GALNTL6: variants seen among roughly 807,000 people sequenced by gnomAD.
The protein encoded by GALNTL6 is polypeptide N-acetylgalactosaminyltransferase like 6.
GALNTL6 carries 46 observed loss-of-function variants against 73.7 expected under a neutral mutation model. That is an observed-to-expected ratio of 0.62 (90% confidence interval 0.49 to 0.80). The LOEUF (loss-of-function observed/expected upper bound fraction) is 0.80. Ranked by LOEUF, GALNTL6 falls within the 30% of genes least tolerant of loss-of-function variation. The pLI is 0.00. For synonymous variants in GALNTL6, 259 were observed against 263.7 expected, an observed-to-expected ratio of 0.98 and a Z score of 0.17; for missense variants, 604 against 755.0, an observed-to-expected ratio of 0.80 and a Z score of 2.34.
intron 5 of GALNTL6, among the ~76,000 whole-genome samples, chr4:172,807,662 C>T (rs144010120): frequency 6.6e-6 from 1 of 152,114 alleles, no homozygotes; most frequent in Non-Finnish European, 1.5e-5. Flanking sequence ...TTGTGGAGCT[C>T]CCTCCCAGGC....
intron 2 of GALNTL6, among the ~76,000 whole-genome samples, chr4:171,960,370 A>T (rs1040030059): frequency 6.6e-5 from 10 of 151,972 alleles, no homozygotes; most frequent in Non-Finnish European, 1.5e-4. Flanking sequence ...TCTGCCTCCC[A>T]GGTTCAAGTG....
chr4:172,246,853 TAC>T (rs1017254032), intron 3 of GALNTL6, among the ~76,000 whole-genome samples: 1 of 150,364 alleles, frequency 6.7e-6, no homozygotes, highest in Non-Finnish European at 1.5e-5. Context: ...ATCATTTACA[TAC>T]ACACACAGTC....
intron 10 of GALNTL6, among the ~76,000 whole-genome samples, chr4:172,993,903 C>CA (rs1751656311): frequency 6.6e-6 from 1 of 152,158 alleles, no homozygotes; most frequent in Non-Finnish European, 1.5e-5. Flanking sequence ...GCCTGGGCAA[C>CA]AGCAGAGAAA....
chr4:172,481,519 C>T (rs560947844), intron 5 of GALNTL6, among the ~76,000 whole-genome samples: 1 of 149,732 alleles, frequency 6.7e-6, no homozygotes, highest in African/African-American at 2.6e-5. Context: ...GCTGATTGGT[C>T]CATTTTACAG....
At chr4:171,940,715 T>C (rs974002621) in intron 2 of GALNTL6, among the ~76,000 whole-genome samples, 1 of 151,684 alleles carries the variant, frequency 6.6e-6, no homozygotes, top group Non-Finnish European at 1.5e-5. Flanking sequence ...TCCAAGCTAC[T>C]TGGGAGGCAG....
At chr4:171,959,434 C>T (rs1010939370) in intron 2 of GALNTL6, among the ~76,000 whole-genome samples, 1 of 152,142 alleles carries the variant, frequency 6.6e-6, no homozygotes, top group Non-Finnish European at 1.5e-5. Flanking sequence ...TAGAATAATT[C>T]TAATATTTGT....
At chr4:172,720,260 T>C (rs1243293892) in intron 5 of GALNTL6, among the ~76,000 whole-genome samples, 1 of 151,782 alleles carries the variant, frequency 6.6e-6, no homozygotes, top group Non-Finnish European at 1.5e-5. Context: ...GTTTAAAGGG[T>C]GAGTAAAGCA....
At chr4:171,942,418 A>G (rs992532843) in intron 2 of GALNTL6, among the ~76,000 whole-genome samples, 5 of 152,094 alleles carry the variant, frequency 3.3e-5, no homozygotes, top group Admixed American at 1.3e-4. Flanking sequence ...TTTTACTTTC[A>G]TCTTAAACAA....
intron 2 of GALNTL6, among the ~76,000 whole-genome samples, chr4:172,160,781 A>G (rs952031124): frequency 6.6e-6 from 1 of 151,788 alleles, no homozygotes; most frequent in Admixed American, 6.6e-5. Flanking sequence ...ATAAATAGGT[A>G]TGCATATATA....
chr4:172,745,575 T>C (rs1036978730), intron 5 of GALNTL6, among the ~76,000 whole-genome samples: 2 of 152,026 alleles, frequency 1.3e-5, no homozygotes, highest in Non-Finnish European at 2.9e-5. Flanking sequence ...AGAAGCTTGC[T>C]AAGGTCAATA....
At chr4:172,740,448 T>A (rs1736730598) in intron 5 of GALNTL6, among the ~76,000 whole-genome samples, 1 of 152,172 alleles carries the variant, frequency 6.6e-6, no homozygotes. Flanking sequence ...GACTCTGGAA[T>A]AATGAATTTA....
intron 2 of GALNTL6, among the ~76,000 whole-genome samples, chr4:172,178,297 A>G (rs528412222): frequency 6.6e-6 from 1 of 152,308 alleles, no homozygotes; most frequent in South Asian, 2.1e-4. Flanking sequence ...TTAAAAAATT[A>G]TTATTATACT....
intron 5 of GALNTL6, among the ~76,000 whole-genome samples, chr4:172,689,949 A>C (rs924454933): frequency 6.6e-6 from 1 of 152,234 alleles, no homozygotes; most frequent in African/African-American, 2.4e-5. Context: ...CAAATATTTT[A>C]AGGTATCCAA....
intron 5 of GALNTL6, among the ~76,000 whole-genome samples, chr4:172,672,258 T>C (rs1265300124): frequency 6.6e-6 from 1 of 152,202 alleles, no homozygotes; most frequent in Non-Finnish European, 1.5e-5. Flanking sequence ...TCTCCTTCGA[T>C]TGAGATAATC....
chr4:171,820,138 A>G (rs1408138005), intron 2 of GALNTL6, among the ~76,000 whole-genome samples: 1 of 152,166 alleles, frequency 6.6e-6, no homozygotes, highest in East Asian at 1.9e-4. Flanking sequence ...CACATAAAAT[A>G]TATCTATATA....
chr4:172,976,815 C>T (rs1261345516), intron 10 of GALNTL6, among the ~76,000 whole-genome samples: 1 of 152,172 alleles, frequency 6.6e-6, no homozygotes, highest in Non-Finnish European at 1.5e-5. Flanking sequence ...CATTCTTTTA[C>T]AGCCTTCACG....
chr4:172,433,108 G>T (rs1731517017), intron 5 of GALNTL6, among the ~76,000 whole-genome samples: 1 of 152,118 alleles, frequency 6.6e-6, no homozygotes, highest in South Asian at 2.1e-4. Flanking sequence ...TGATGTGTGT[G>T]TTTAAGAATA....
intron 5 of GALNTL6, among the ~76,000 whole-genome samples, chr4:172,762,783 CAAAAAA>C (rs140987178): frequency 1.4e-5 from 2 of 139,784 alleles, no homozygotes; most frequent in Non-Finnish European, 1.6e-5. Flanking sequence ...CAGATTCACT[CAAAAAA>C]AAAAAAAAAA....
chr4:172,741,342 G>A (rs1437856), intron 5 of GALNTL6, among the ~76,000 whole-genome samples: 54,448 of 151,874 alleles, frequency 0.36, 10,798 homozygotes, highest in African/African-American at 0.52. Context: ...TCATTGCCGG[G>A]ACAATCTCAA....
Sources: allele counts gnomAD v4.1 joint callset (sites outside exome capture counted in the v4.1 genomes callset), GRCh38; gene constraint gnomAD v4.1.1; transcripts MANE v1.5; gene names NCBI Gene and HGNC (gene_info 2026-07-23, HGNC 2026-07-21).